Variants in KRABD3 observed in about 807,000 individuals in gnomAD.
KRABD3 encodes the protein KRAB domain-containing protein 3.
the KRABD3 span, among the ~76,000 whole-genome samples, chr7:149,715,940 C>G: frequency 6.6e-6 from 1 of 152,238 alleles, no homozygotes; most frequent in Non-Finnish European, 1.5e-5. Context: ...CCACAGTTTC[C>G]TGTTCTGTAA....
At chr7:149,721,131 C>G in the KRABD3 span, 29 of 1,226,314 alleles carry the variant, frequency 2.4e-5, no homozygotes, top group Non-Finnish European at 3.2e-5. Context: ...GTGGCTAGGC[C>G]GTGTGCCGCC....
chr7:149,720,983 C>T, the KRABD3 span: 1 of 1,613,424 alleles, frequency 6.2e-7, no homozygotes. Flanking sequence ...AGAGAGCGAG[C>T]CCCGAGGGTA....
At chr7:149,728,184 C>A in the KRABD3 span, among the ~76,000 whole-genome samples, 2 of 152,242 alleles carry the variant, frequency 1.3e-5, no homozygotes, top group Admixed American at 6.5e-5. Context: ...TAGCACATTC[C>A]ATCTGTGGGA....
At chr7:149,725,902 C>G in the KRABD3 span, 1 of 1,590,010 alleles carries the variant, frequency 6.3e-7, no homozygotes, top group South Asian at 1.1e-5. Context: ...ACCAGAGAGC[C>G]TGTTCTGCCT....
chr7:149,718,501 T>C, the KRABD3 span, among the ~76,000 whole-genome samples: 1 of 147,792 alleles, frequency 6.8e-6, no homozygotes, highest in African/African-American at 2.5e-5. Flanking sequence ...CACTTTAAAG[T>C]CCACTGAAGG....
At chr7:149,715,021 A>T in the KRABD3 span, 9 of 1,228,364 alleles carry the variant, frequency 7.3e-6, no homozygotes, top group Admixed American at 4.2e-5. Flanking sequence ...CCCGCGCCGG[A>T]AACCGAGGAG....
At chr7:149,733,548 A>G in the KRABD3 span, 8 of 1,599,644 alleles carry the variant, frequency 5.0e-6, 1 homozygote, top group Admixed American at 1.7e-5. Context: ...CGCTGGGCTC[A>G]TGGCCCTGGT....
the KRABD3 span, chr7:149,734,053 T>C: frequency 6.3e-7 from 1 of 1,596,116 alleles, no homozygotes; most frequent in Non-Finnish European, 8.5e-7. Context: ...ATTGATGGCA[T>C]TCCTCTTCTC....
At chr7:149,721,607 G>T in the KRABD3 span, 2 of 1,509,392 alleles carry the variant, frequency 1.3e-6, no homozygotes, top group South Asian at 1.2e-5. Context: ...AGAGGACCTG[G>T]ACCCTGTGCC....
At chr7:149,731,802 C>A in the KRABD3 span, 3 of 1,552,372 alleles carry the variant, frequency 1.9e-6, no homozygotes, top group Non-Finnish European at 2.6e-6. Context: ...CCCCCATTCC[C>A]TCTGCACGGG....
At chr7:149,722,651 C>A in the KRABD3 span, 1 of 1,473,476 alleles carries the variant, frequency 6.8e-7, no homozygotes, top group South Asian at 1.3e-5. Context: ...CTGGTGGCAG[C>A]TCCACCGGGC....
At chr7:149,733,861 A>T in the KRABD3 span, 1 of 1,595,328 alleles carries the variant, frequency 6.3e-7, no homozygotes, top group Non-Finnish European at 8.5e-7. Flanking sequence ...CTGCTGCCTT[A>T]CCCCTGCAGG....
chr7:149,733,819 G>A, the KRABD3 span: 9 of 1,604,332 alleles, frequency 5.6e-6, no homozygotes, highest in Non-Finnish European at 7.6e-6. Context: ...CACATACCGG[G>A]GGCCACCAGA....
At chr7:149,732,186 G>A in the KRABD3 span, among the ~76,000 whole-genome samples, 1 of 152,190 alleles carries the variant, frequency 6.6e-6, no homozygotes, top group East Asian at 1.9e-4. The surrounding 1 kb of genome is among the most constrained non-coding windows in gnomAD (Gnocchi z 4.0). Flanking sequence ...CCCCACACCA[G>A]GAACTTTGAG....
At chr7:149,722,942 G>A in the KRABD3 span, 2 of 1,599,378 alleles carry the variant, frequency 1.3e-6, no homozygotes. Context: ...GGGCCTGGGA[G>A]CCCGCCCTGG....
the KRABD3 span, chr7:149,721,547 A>G: frequency 6.2e-7 from 1 of 1,609,586 alleles, no homozygotes; most frequent in Non-Finnish European, 8.5e-7. Flanking sequence ...TGAGTCTGAC[A>G]CAGCAGGGAC....
chr7:149,731,719 A>G, the KRABD3 span: 24 of 1,612,510 alleles, frequency 1.5e-5, no homozygotes, highest in African/African-American at 1.1e-4. Context: ...GAAAAGGCCC[A>G]GGGTTAGTGA....
the KRABD3 span, chr7:149,721,268 G>A: frequency 7.7e-7 from 1 of 1,300,292 alleles, no homozygotes; most frequent in Non-Finnish European, 1.0e-6. Flanking sequence ...ACACATAGGT[G>A]GCTGACATCC....
the KRABD3 span, chr7:149,722,371 C>T: frequency 3.8e-6 from 6 of 1,567,776 alleles, no homozygotes; most frequent in African/African-American, 1.4e-5. Flanking sequence ...TGTGATTTTC[C>T]AGAGTCTGGA....
Sources: gnomAD v4.1 joint callset for allele counts (sites outside exome capture counted in the v4.1 genomes callset) on GRCh38, gnomAD v4.1.1 for gene constraint, Gnocchi (gnomAD v3.1) non-coding constraint, MANE v1.5 for transcripts, NCBI Gene and HGNC (gene_info 2026-07-23, HGNC 2026-07-21) for gene names.